Variants in ACTR3C observed in about 807,000 individuals in gnomAD.
The protein encoded by ACTR3C is actin related protein 3C.
Under a neutral mutation model 26.3 loss-of-function variants are expected in ACTR3C, and 18 were observed. That is an observed-to-expected ratio of 0.68 (90% CI 0.47 to 1.01). ACTR3C has a LOEUF of 1.01. Ranked by LOEUF, ACTR3C falls within the 50% of genes least tolerant of loss-of-function variation. The pLI is 0.00. For synonymous variants in ACTR3C, 55 were observed against 94.5 expected, an observed-to-expected ratio of 0.58 and a Z score of 2.42; for missense variants, 184 against 250.7, an observed-to-expected ratio of 0.73 and a Z score of 1.80.
the ACTR3C span, among the ~76,000 whole-genome samples, chr7:150,024,824 G>T: frequency 6.8e-6 from 1 of 146,398 alleles, no homozygotes; most frequent in African/African-American, 2.6e-5. Flanking sequence ...TCAGCAGGGA[G>T]ATCTGTGCAA....
the ACTR3C span, among the ~76,000 whole-genome samples, chr7:150,163,131 GCA>G: frequency 6.6e-6 from 1 of 151,046 alleles, no homozygotes; most frequent in African/African-American, 2.5e-5. Context: ...TCCAGCCTGA[GCA>G]ACAGAGTGAG....
the ACTR3C span, among the ~76,000 whole-genome samples, chr7:150,024,572 C>T: frequency 1.1e-4 from 16 of 150,520 alleles, no homozygotes; most frequent in East Asian, 2.9e-3. Context: ...GGCTCATTAG[C>T]ATGGTGCTGG....
chr7:150,118,136 G>T, the ACTR3C span, among the ~76,000 whole-genome samples: 1 of 152,118 alleles, frequency 6.6e-6, no homozygotes, highest in Non-Finnish European at 1.5e-5. Flanking sequence ...GGAAAAACCA[G>T]CGCGAAAAGG....
the ACTR3C span, among the ~76,000 whole-genome samples, chr7:150,089,794 C>T: frequency 6.6e-6 from 1 of 152,166 alleles, no homozygotes; most frequent in Non-Finnish European, 1.5e-5. Context: ...AAATACCATT[C>T]TTCAAGGGTT....
At chr7:150,278,144 G>A (rs1000027285) in intron 6 of ACTR3C, among the ~76,000 whole-genome samples, 7 of 152,078 alleles carry the variant, frequency 4.6e-5, no homozygotes, top group East Asian at 1.9e-4. Flanking sequence ...ACAGGATCGC[G>A]CTACTCTCCT....
the ACTR3C span, among the ~76,000 whole-genome samples, chr7:150,077,318 T>C: frequency 6.6e-6 from 1 of 152,240 alleles, no homozygotes; most frequent in Non-Finnish European, 1.5e-5. Context: ...TCTGTGTGTG[T>C]GTGTGCACAC....
the ACTR3C span, among the ~76,000 whole-genome samples, chr7:150,069,910 G>A: frequency 3.3e-5 from 5 of 152,256 alleles, no homozygotes; most frequent in Admixed American, 2.0e-4. Flanking sequence ...TTTTCCTATG[G>A]CTGGGAGTGG....
chr7:150,009,686 C>A, the ACTR3C span, among the ~76,000 whole-genome samples: 3 of 152,220 alleles, frequency 2.0e-5, no homozygotes, highest in Non-Finnish European at 2.9e-5. Context: ...TAAGAGCCTT[C>A]ATTCTCTCTT....
the ACTR3C span, among the ~76,000 whole-genome samples, chr7:150,086,444 C>G: frequency 6.6e-6 from 1 of 152,148 alleles, no homozygotes; most frequent in Non-Finnish European, 1.5e-5. Flanking sequence ...AACTTTTGGG[C>G]TCAGTCAGAA....
At chr7:150,105,395 T>G in the ACTR3C span, among the ~76,000 whole-genome samples, 1 of 152,038 alleles carries the variant, frequency 6.6e-6, no homozygotes, top group African/African-American at 2.4e-5. Flanking sequence ...TCATTCCTTC[T>G]TAAAGGAACT....
the ACTR3C span, chr7:149,891,317 C>T: frequency 1.2e-6 from 1 of 850,786 alleles, no homozygotes; most frequent in Non-Finnish European, 1.8e-6. Context: ...GGAAGAGACA[C>T]CAGAGTTGTC....
chr7:149,993,950 G>A, the ACTR3C span, among the ~76,000 whole-genome samples: 1 of 152,200 alleles, frequency 6.6e-6, no homozygotes, highest in African/African-American at 2.4e-5. Flanking sequence ...AAAGTGGCCT[G>A]ATTTTAGAGA....
chr7:150,102,120 G>A, the ACTR3C span, among the ~76,000 whole-genome samples: 3 of 151,598 alleles, frequency 2.0e-5, 1 homozygote, highest in African/African-American at 4.9e-5. Flanking sequence ...CCATGACCAC[G>A]ATGTTGCTGT....
downstream of ACTR3C, among the ~76,000 whole-genome samples, chr7:150,242,058 A>T (rs1207418010): frequency 6.6e-6 from 1 of 152,128 alleles, no homozygotes; most frequent in Non-Finnish European, 1.5e-5. Context: ...TCTATTAAAA[A>T]TACAAAAATT....
chr7:150,029,762 C>G, the ACTR3C span, among the ~76,000 whole-genome samples: 1 of 152,022 alleles, frequency 6.6e-6, no homozygotes, highest in African/African-American at 2.4e-5. Context: ...TGCCCATCTC[C>G]GAGGGTCATT....
the ACTR3C span, among the ~76,000 whole-genome samples, chr7:150,111,480 ACACT>A: frequency 3.2e-3 from 282 of 89,448 alleles, 62 homozygotes; most frequent in African/African-American, 0.015. Context: ...ACACACTTGC[ACACT>A]CACTCACACA....
At chr7:149,961,189 G>A in the ACTR3C span, among the ~76,000 whole-genome samples, 1 of 151,778 alleles carries the variant, frequency 6.6e-6, no homozygotes, top group East Asian at 1.9e-4. Context: ...TGGTGCTACA[G>A]GAAGTGCACA....
the ACTR3C span, among the ~76,000 whole-genome samples, chr7:149,895,927 G>A: frequency 6.6e-6 from 1 of 151,396 alleles, no homozygotes; most frequent in African/African-American, 2.4e-5. Flanking sequence ...GCCAGGCACA[G>A]TGGCTCACAC....
At chr7:150,107,286 A>C in the ACTR3C span, among the ~76,000 whole-genome samples, 7 of 150,782 alleles carry the variant, frequency 4.6e-5, no homozygotes, top group Non-Finnish European at 1.0e-4. Context: ...TCATTCTCAC[A>C]CTGTATTTTT....
Sources: gnomAD v4.1 joint callset for allele counts (sites outside exome capture counted in the v4.1 genomes callset) on GRCh38, gnomAD v4.1.1 for gene constraint, MANE v1.5 for transcripts, NCBI Gene and HGNC (gene_info 2026-07-23, HGNC 2026-07-21) for gene names.